The following BAZ1A variants were observed in gnomAD, a reference collection of about 807,000 sequenced individuals.
BAZ1A encodes the protein bromodomain adjacent to zinc finger domain protein 1A.
BAZ1A carries 50 observed loss-of-function variants against 185.2 expected under a neutral mutation model. The observed-to-expected ratio is 0.27, with a 90% CI of 0.22 to 0.34. The LOEUF is 0.34. Among genes scored for constraint, BAZ1A ranks in the 10% least tolerant of loss-of-function variants. The pLI is 1.00. For missense variants in BAZ1A, 1,356 were observed against 1,839.9 expected, an observed-to-expected ratio of 0.74 and a Z score of 4.81; for synonymous variants, 571 against 615.6, an observed-to-expected ratio of 0.93 and a Z score of 1.07.
intron 3 of BAZ1A, among the ~76,000 whole-genome samples, chr14:34,830,829 C>T (rs1046692229): frequency 1.4e-5 from 2 of 145,198 alleles, no homozygotes; most frequent in South Asian, 2.2e-4. Flanking sequence ...AATCTCAGCT[C>T]ACTGCAACTT....
At chr14:34,833,687 G>A (rs1465629106) in intron 3 of BAZ1A, among the ~76,000 whole-genome samples, 2 of 152,130 alleles carry the variant, frequency 1.3e-5, no homozygotes, top group East Asian at 3.8e-4. Flanking sequence ...AGAAGCTGGG[G>A]GAAGGATAGA....
At position 34,763,850 on chromosome 14, in the gene BAZ1A, C is replaced by G. The variant is rs866208867; in HGVS notation, c.3776+857G>C. 8.9e-4 allele frequency among the ~76,000 whole-genome samples: 136 copies of G among 152,146 alleles called. 1 individual carries two copies. Among genetic ancestry groups the G allele is most frequent in the African/African-American group, 3.1e-3 (129 of 41,504 alleles). On this transcript the variant is annotated intron_variant, in intron 23 of 26. Coordinates refer to ENST00000360310, the MANE Select transcript of BAZ1A (RefSeq NM_013448.3). Reference sequence around the variant, plus strand: ...GTAATGTAAACATAATTTTTATATGCCCTGGGAAACCAAAAAAATTTGTAA... The same window carrying G: ...GTAATGTAAACATAATTTTTATATGGCCTGGGAAACCAAAAAAATTTGTAA...
chr14:34,844,110 G>A (rs113182609), intron 3 of BAZ1A, among the ~76,000 whole-genome samples: 22,106 of 148,946 alleles, frequency 0.15, 1,876 homozygotes, highest in Admixed American at 0.27. Flanking sequence ...GGAGGCTGAG[G>A]CAGGAGAATG....
chr14:34,808,261 A>G (rs986068467), intron 5 of BAZ1A, among the ~76,000 whole-genome samples: 1 of 152,110 alleles, frequency 6.6e-6, no homozygotes, highest in Non-Finnish European at 1.5e-5. Flanking sequence ...TGGGAGGCTG[A>G]GGAGGGTGGA....
At position 34,765,042 on chromosome 14, in the gene BAZ1A, G is replaced by T; in HGVS notation, c.3528C>A (p.Tyr1176Ter). The T allele has an allele frequency of 6.2e-7, 1 of 1,614,172 alleles. No individual in the cohort carries two copies. Among genetic ancestry groups the T allele is most frequent in the Non-Finnish European group, 8.5e-7 (1 of 1,180,020 alleles). ...ATACCTTGAGCTTTGGTCGAACACA[G>T]TAGGTATGATGACCCCTATCACAGC... ...CDGCDRGHHTYCVRPKLKTVP... is the reference protein window; with the variant it reads ...CDGCDRGHHT The change falls in exon 22 of 27, where the codon TAC becomes TAA. Residue 1176 changes from tyrosine to a stop codon, truncating the protein, a stop_gained. Transcript: ENST00000360310. LOFTEE classifies it high-confidence loss of function.
intron 2 of BAZ1A, among the ~76,000 whole-genome samples, chr14:34,865,298 C>T (rs990653259): frequency 6.6e-6 from 1 of 152,136 alleles, no homozygotes. Context: ...AAAGGGTTAA[C>T]AATGGCTGCC....
intron 21 of BAZ1A, among the ~76,000 whole-genome samples, chr14:34,767,612 G>A (rs1332529195): frequency 1.3e-5 from 2 of 152,142 alleles, no homozygotes; most frequent in East Asian, 3.8e-4. Context: ...TTTCTCCCCT[G>A]TCATTGTGAG....
intron 23 of BAZ1A, among the ~76,000 whole-genome samples, chr14:34,762,889 T>TA (rs1229430043): frequency 6.6e-6 from 1 of 152,212 alleles, no homozygotes; most frequent in Non-Finnish European, 1.5e-5. Context: ...TTGGAAAACT[T>TA]AAGAGTAATG....
intron 12 of BAZ1A, among the ~76,000 whole-genome samples, chr14:34,788,950 C>T (rs540379530): frequency 1.4e-4 from 22 of 152,234 alleles, no homozygotes; most frequent in Non-Finnish European, 3.1e-4. Context: ...GCTCTGGGAT[C>T]GTATCTGATT....
chr14:34,860,377 A>T (rs2138814927), intron 3 of BAZ1A, among the ~76,000 whole-genome samples: 1 of 152,084 alleles, frequency 6.6e-6, no homozygotes, highest in African/African-American at 2.4e-5. Flanking sequence ...ACATGGTGGA[A>T]TGCACCTGTA....
In BAZ1A at chr14:34,793,967, A is replaced by G. The variant is rs56252968; in HGVS notation, c.1363+782T>C. 3.6e-3 allele frequency among the ~76,000 whole-genome samples: 543 copies of G among 151,914 alleles called. 6 individuals carry two copies. Among genetic ancestry groups the G allele is most frequent in the African/African-American group, 0.013 (521 of 41,484 alleles). On this transcript the variant is annotated intron_variant, in intron 11 of 26. Transcript: ENST00000360310. Reference sequence around the variant, plus strand: ...AAAAAGAAAAAAAAGAAAAAAAGAAAAAAAAAAGAAAAAAATTAGCTGGGC... The same window carrying G: ...AAAAAGAAAAAAAAGAAAAAAAGAAGAAAAAAAGAAAAAAATTAGCTGGGC...
chr14:34,828,431 A>C (rs2042193777), intron 3 of BAZ1A: 1 of 152,086 alleles, frequency 6.6e-6, no homozygotes, highest in African/African-American at 2.4e-5. Context: ...TGAAACCATG[A>C]GTCTACTATG....
intron 7 of BAZ1A, among the ~76,000 whole-genome samples, chr14:34,802,031 T>C (rs1881598787): frequency 6.6e-6 from 1 of 152,048 alleles, no homozygotes; most frequent in African/African-American, 2.4e-5. Context: ...TGGTAATATA[T>C]AGAAAGATCC....
chr14:34,869,849 G>C lies in BAZ1A; in HGVS notation c.113+4643C>G, dbSNP rs539364369. Among the ~76,000 whole-genome samples, 6 of 152,262 alleles carry C rather than the reference G, an allele frequency of 3.9e-5. No homozygotes were observed. In the East Asian group the frequency reaches 7.7e-4, roughly 20 times the overall value. On this transcript the variant is annotated intron_variant, in intron 2 of 26. Coordinates refer to ENST00000360310, the MANE Select transcript of BAZ1A (RefSeq NM_013448.3). Reference sequence around the variant, plus strand: ...CAAAATAATAAAGAAATGATATTGAGTGACTTCCATTCTCACCCTCTTGAA... The same window carrying C: ...CAAAATAATAAAGAAATGATATTGACTGACTTCCATTCTCACCCTCTTGAA...
At chr14:34,766,647 A>T (rs1486306076) in intron 21 of BAZ1A, among the ~76,000 whole-genome samples, 1 of 152,216 alleles carries the variant, frequency 6.6e-6, no homozygotes, top group Non-Finnish European at 1.5e-5. Context: ...CTCCCTGAGG[A>T]TCAAGCAAAG....
intron 9 of BAZ1A, among the ~76,000 whole-genome samples, chr14:34,797,805 T>C (rs2138646947): frequency 6.6e-6 from 1 of 152,200 alleles, no homozygotes; most frequent in South Asian, 2.1e-4. Flanking sequence ...TTGGGACTGG[T>C]GCCCATGGAG....
rs1405979262 is a variant in BAZ1A at position 34,875,283 on chromosome 14, CG to C, written c.-205del. 1 of 455,462 alleles carries C rather than the reference CG, an allele frequency of 2.2e-6. No homozygotes were observed. Among genetic ancestry groups the C allele is most frequent in the East Asian group, 7.0e-5 (1 of 14,378 alleles). The allele number at this position is 455,462 out of a possible 1,614,324, so 28.2% of individuals were successfully genotyped here. ...CCCGCTGCCACTGCCCGACTCCGCG[CG>C]GGGAATTGCGTCCCACCGCCACTTC... On this transcript the variant is annotated 5_prime_UTR_variant, in exon 1 of 27. Transcript: ENST00000360310.
chr14:34,808,886 A>G (rs1197251589), intron 5 of BAZ1A, among the ~76,000 whole-genome samples: 1 of 152,214 alleles, frequency 6.6e-6, no homozygotes, highest in Admixed American at 6.5e-5. Context: ...AAAAGCTCCT[A>G]TAAGTGAATA....
intron 21 of BAZ1A, among the ~76,000 whole-genome samples, chr14:34,768,012 T>C (rs1295090437): frequency 6.6e-6 from 1 of 152,186 alleles, no homozygotes; most frequent in Non-Finnish European, 1.5e-5. Context: ...ATAGTACTGA[T>C]ATAAGGATAG....
Sources: allele counts gnomAD v4.1 joint callset (sites outside exome capture counted in the v4.1 genomes callset), GRCh38; gene constraint gnomAD v4.1.1; transcripts MANE v1.5; gene names NCBI Gene and HGNC (gene_info 2026-07-23, HGNC 2026-07-21).